Variants in CELF2 observed in about 807,000 individuals in gnomAD.
CELF2 encodes the protein CUGBP Elav-like family member 2, also known as CUG triplet repeat RNA-binding protein 2.
A neutral mutation model predicts 62.6 loss-of-function variants in CELF2; 8 were observed. That is an observed-to-expected ratio of 0.13 (90% CI 0.07 to 0.23). The LOEUF (loss-of-function observed/expected upper bound fraction) is 0.23, where lower values mean the gene tolerates loss of function less well. CELF2 is among the 10% of genes least tolerant of loss of function. CELF2 has a pLI of 1.00. For synonymous variants in CELF2, 258 were observed against 250.0 expected (o/e 1.03, Z -0.30); for missense variants, 333 against 671.0 (o/e 0.50, Z 5.56).
At chr10:11,276,962 TC>T (rs2086370312) in intron 8 of CELF2, among the ~76,000 whole-genome samples, 1 of 152,222 alleles carries the variant, frequency 6.6e-6, no homozygotes, top group Non-Finnish European at 1.5e-5. Context: ...TCCCAAATTA[TC>T]CATTTCTTGA....
intron 2 of CELF2, among the ~76,000 whole-genome samples, chr10:11,192,167 G>A (rs564330491): frequency 7.9e-5 from 12 of 152,306 alleles, no homozygotes; most frequent in African/African-American, 1.4e-4. Flanking sequence ...GGGTGCTTGC[G>A]TTCAGTCATG....
At chr10:11,320,751 A>G (rs2095394028) in intron 10 of CELF2, 1 of 1,189,158 alleles carries the variant, frequency 8.4e-7, no homozygotes, top group Non-Finnish European at 1.2e-6. Flanking sequence ...CAGCCCTGCA[A>G]GCTATCCCAT....
intron 1 of CELF2, among the ~76,000 whole-genome samples, chr10:10,881,337 G>C (rs961165739): frequency 6.6e-6 from 1 of 152,150 alleles, no homozygotes; most frequent in Admixed American, 6.5e-5. Context: ...ATCTGGCTGC[G>C]TACAGAATTC....
the CELF2 span, among the ~76,000 whole-genome samples, chr10:10,617,961 C>G: frequency 6.6e-6 from 1 of 152,046 alleles, no homozygotes; most frequent in Non-Finnish European, 1.5e-5. Flanking sequence ...GGCCGTAACT[C>G]TTGACTTCTT....
At chr10:10,680,336 G>C in the CELF2 span, among the ~76,000 whole-genome samples, 2 of 152,150 alleles carry the variant, frequency 1.3e-5, no homozygotes, top group East Asian at 3.9e-4. Flanking sequence ...ACTCACTAAA[G>C]TGCTCATACT....
At chr10:10,641,809 CT>C in the CELF2 span, among the ~76,000 whole-genome samples, 3 of 152,164 alleles carry the variant, frequency 2.0e-5, no homozygotes, top group Non-Finnish European at 2.9e-5. Flanking sequence ...TGTTTCTCAT[CT>C]CACACCCCAT....
At chr10:11,016,946 G>C (rs1275936321), upstream of CELF2, among the ~76,000 whole-genome samples, 1 of 152,216 alleles carries the variant, frequency 6.6e-6, no homozygotes, top group Non-Finnish European at 1.5e-5. This position sits in a 1 kb window ranked among gnomAD's most constrained non-coding sequence, Gnocchi z 5.2. Context: ...TGTTGATTCA[G>C]AATGTGAAAT....
the CELF2 span, among the ~76,000 whole-genome samples, chr10:10,709,962 A>G: frequency 2.6e-5 from 4 of 152,332 alleles, no homozygotes; most frequent in African/African-American, 7.2e-5. Context: ...AGGGGACCTG[A>G]TGGCTTTGTG....
chr10:10,898,384 C>G (rs1439937256), intron 1 of CELF2, among the ~76,000 whole-genome samples: 1 of 152,186 alleles, frequency 6.6e-6, no homozygotes, highest in African/African-American at 2.4e-5. Flanking sequence ...GAATCAATTT[C>G]TATTGCTTGT....
At chr10:11,276,850 T>C (rs3814633) in intron 8 of CELF2, among the ~76,000 whole-genome samples, 73,058 of 152,182 alleles carry the variant, frequency 0.48, 19,054 homozygotes, top group Non-Finnish European at 0.6. Context: ...CCCTGCACGC[T>C]CTGCGTGCTC....
At chr10:10,604,489 AG>A in the CELF2 span, among the ~76,000 whole-genome samples, 1 of 152,260 alleles carries the variant, frequency 6.6e-6, no homozygotes, top group East Asian at 1.9e-4. Flanking sequence ...ATCATTGTAT[AG>A]GCTATGGTGA....
At chr10:11,185,612 C>G (rs942074575) in intron 2 of CELF2, among the ~76,000 whole-genome samples, 1 of 152,122 alleles carries the variant, frequency 6.6e-6, no homozygotes, top group African/African-American at 2.4e-5. Flanking sequence ...GGGGGTTTCT[C>G]CATGTTGGTC....
intron 2 of CELF2, among the ~76,000 whole-genome samples, chr10:11,215,810 T>G (rs926033829): frequency 6.6e-6 from 1 of 152,314 alleles, no homozygotes; most frequent in East Asian, 1.9e-4. Flanking sequence ...AAATGGTTAC[T>G]GGAAACTGGG....
the CELF2 span, among the ~76,000 whole-genome samples, chr10:10,692,281 C>T: frequency 6.6e-6 from 1 of 151,454 alleles, no homozygotes; most frequent in Non-Finnish European, 1.5e-5. Flanking sequence ...TTCCCCATTG[C>T]TTGTTTTTCT....
the CELF2 span, among the ~76,000 whole-genome samples, chr10:10,658,463 TTAAGA>T: frequency 2.0e-5 from 3 of 152,210 alleles, no homozygotes; most frequent in Non-Finnish European, 4.4e-5. Flanking sequence ...TTTGTCTACA[TTAAGA>T]TAAGTCAACA....
rs369339421 is a variant in CELF2 at position 11,117,811 on chromosome 10, T to G, written c.75-47675T>G. On this transcript the variant is annotated intron_variant, in intron 1 of 12. Transcript: ENST00000633077. The surrounding 1 kb of genome is among the most constrained non-coding windows in gnomAD (Gnocchi z 4.1). ...GGGTCAAATAGGATTCATCTGAGCT[T>G]CTGGTTCTGATCTTGTAAAAGCTAA... Among the ~76,000 whole-genome samples, 4 of 152,276 alleles carry G rather than the reference T, an allele frequency of 2.6e-5. No individual in the cohort carries two copies. The highest frequency in any genetic ancestry group is 4.4e-5 in the Non-Finnish European group (3 of 68,016).
the CELF2 span, among the ~76,000 whole-genome samples, chr10:10,563,621 A>C: frequency 1.3e-5 from 2 of 151,840 alleles, no homozygotes; most frequent in African/African-American, 4.8e-5. Context: ...AAAAAAAAAA[A>C]AAAAAAGGGC....
At chr10:10,979,667 T>A (rs2051816285) in intron 2 of CELF2, among the ~76,000 whole-genome samples, 1 of 114,272 alleles carries the variant, frequency 8.8e-6, no homozygotes. Flanking sequence ...CCAGACCTTG[T>A]CTCTCAAAAA....
chr10:10,857,593 T>G (rs2133015619), intron 1 of CELF2, among the ~76,000 whole-genome samples: 1 of 146,066 alleles, frequency 6.8e-6, no homozygotes, highest in Non-Finnish European at 1.5e-5. Flanking sequence ...ATTTTAAAAT[T>G]GTAAAGATGG....
Sources: gnomAD v4.1 joint callset for allele counts (sites outside exome capture counted in the v4.1 genomes callset) on GRCh38, gnomAD v4.1.1 for gene constraint, Gnocchi (gnomAD v3.1) non-coding constraint, MANE v1.5 for transcripts, NCBI Gene and HGNC (gene_info 2026-07-23, HGNC 2026-07-21) for gene names.